The following UBE2E2 variants were observed in gnomAD, a reference collection of about 807,000 sequenced individuals.
The protein encoded by UBE2E2 is ubiquitin-conjugating enzyme E2 E2.
UBE2E2 carries 6 observed loss-of-function variants against 24.7 expected under a neutral mutation model. That is an observed-to-expected ratio of 0.24 (90% CI 0.13 to 0.48). The LOEUF is 0.48. UBE2E2 is among the 20% of genes least tolerant of loss of function. The pLI, the probability that UBE2E2 is intolerant of heterozygous loss-of-function variation, is 0.99. For synonymous variants in UBE2E2, 104 were observed against 83.6 expected, an observed-to-expected ratio of 1.24 and a Z score of -1.33; for missense variants, 169 against 245.0, an observed-to-expected ratio of 0.69 and a Z score of 2.07.
rs182019244 is a variant in UBE2E2, at chr3:23,500,450, C to T, written c.360+710C>T. Among the ~76,000 whole-genome samples the T allele has an allele frequency of 9.9e-5, 15 of 152,230 alleles. No homozygotes were observed. The East Asian group carries it at 2.9e-3, about 29-fold the overall frequency. ...AAGTCTTCACATTCTTTTCTACTGC[C>T]TATAAGTCGGATATTTGACTGTTTT... On this transcript the variant is annotated intron_variant, in intron 4 of 5. Coordinates refer to ENST00000396703, the MANE Select transcript of UBE2E2 (RefSeq NM_152653.4).
At chr3:23,433,520 T>C (rs1698114007) in intron 3 of UBE2E2, among the ~76,000 whole-genome samples, 1 of 152,034 alleles carries the variant, frequency 6.6e-6, no homozygotes, top group African/African-American at 2.4e-5. Context: ...TTTTTAATTT[T>C]TTGAAACTAA....
intron 3 of UBE2E2, among the ~76,000 whole-genome samples, chr3:23,409,412 A>G (rs1697447448): frequency 6.6e-6 from 1 of 152,194 alleles, no homozygotes; most frequent in Admixed American, 6.5e-5. Context: ...CCCTTTGGGT[A>G]GAAACTTCTA....
At chr3:23,495,215 T>C (rs1559402285) in intron 3 of UBE2E2, among the ~76,000 whole-genome samples, 1 of 152,236 alleles carries the variant, frequency 6.6e-6, no homozygotes. Context: ...CATAGACAGC[T>C]GACTGACTTC....
chr3:23,329,599 TACA>T (rs772545593), intron 3 of UBE2E2, among the ~76,000 whole-genome samples: 2 of 152,242 alleles, frequency 1.3e-5, no homozygotes, highest in Non-Finnish European at 2.9e-5. Flanking sequence ...GCTAATTAGA[TACA>T]ACAACTAATT....
intron 3 of UBE2E2, among the ~76,000 whole-genome samples, chr3:23,352,509 A>G (rs1323242148): frequency 1.3e-5 from 2 of 152,234 alleles, no homozygotes; most frequent in South Asian, 2.1e-4. Flanking sequence ...AGAAGAAAAG[A>G]GAGAAGAAGC....
At chr3:23,312,924 C>T (rs891172130) in intron 3 of UBE2E2, among the ~76,000 whole-genome samples, 5 of 152,046 alleles carry the variant, frequency 3.3e-5, no homozygotes, top group Non-Finnish European at 7.4e-5. Flanking sequence ...TTATTGATTT[C>T]TAGTTTTACT....
intron 5 of UBE2E2, among the ~76,000 whole-genome samples, chr3:23,577,326 G>T (rs995527711): frequency 7.6e-6 from 1 of 131,112 alleles, no homozygotes; most frequent in Admixed American, 7.2e-5. Context: ...ACACAGGAAT[G>T]ATTTAAAAAA....
At chr3:23,238,582 A>C (rs138247417) in intron 3 of UBE2E2, among the ~76,000 whole-genome samples, 222 of 152,322 alleles carry the variant, frequency 1.5e-3, no homozygotes, top group African/African-American at 5.0e-3. Flanking sequence ...GGATTAATAA[A>C]GTACAGGTTG....
intron 3 of UBE2E2, among the ~76,000 whole-genome samples, chr3:23,399,805 T>G (rs1697174139): frequency 6.6e-6 from 1 of 152,224 alleles, no homozygotes; most frequent in Admixed American, 6.5e-5. Flanking sequence ...TGTTTATCAT[T>G]TGCATCATGA....
rs1240506770 is a variant in UBE2E2, at chr3:23,590,317, C to G, written c.*486C>G. 6.4e-6 allele frequency: 1 copy of G among 155,242 alleles called. No individual in the cohort carries two copies. 9.6% of individuals were successfully genotyped at this position (155,242 alleles called of 1,614,324 possible). Reference sequence around the variant, plus strand: ...TAGGGTTAATTTTTTGTACTGAAGTCTTTATTGGTGGGTGCATGCTACTGG... The same window carrying G: ...TAGGGTTAATTTTTTGTACTGAAGTGTTTATTGGTGGGTGCATGCTACTGG... On this transcript the variant is annotated 3_prime_UTR_variant, in exon 6 of 6. Coordinates refer to ENST00000396703, the MANE Select transcript of UBE2E2 (RefSeq NM_152653.4).
chr3:23,299,578 A>T (rs562217244), intron 3 of UBE2E2, among the ~76,000 whole-genome samples: 4 of 152,260 alleles, frequency 2.6e-5, no homozygotes, highest in Middle Eastern at 3.4e-3. Flanking sequence ...TTCAGTTTCC[A>T]TGTAGTTGCA....
chr3:23,229,898 T>C (rs1221298704), intron 3 of UBE2E2, among the ~76,000 whole-genome samples: 4 of 152,196 alleles, frequency 2.6e-5, no homozygotes, highest in Non-Finnish European at 5.9e-5. Context: ...ACAGCATAGA[T>C]CTAGAAAAAT....
chr3:23,453,311 G>A (rs964978391), intron 3 of UBE2E2, among the ~76,000 whole-genome samples: 2 of 151,372 alleles, frequency 1.3e-5, no homozygotes, highest in African/African-American at 4.9e-5. Flanking sequence ...CATTTCCGTT[G>A]GAAACAATAT....
chr3:23,221,666 C>T (rs192474374), intron 3 of UBE2E2, among the ~76,000 whole-genome samples: 23 of 151,330 alleles, frequency 1.5e-4, no homozygotes, highest in East Asian at 3.9e-4. Flanking sequence ...GACGGAGTTT[C>T]GCTCTTGTCG....
At chr3:23,502,596 C>T (rs552001983) in intron 4 of UBE2E2, among the ~76,000 whole-genome samples, 3 of 152,250 alleles carry the variant, frequency 2.0e-5, no homozygotes, top group African/African-American at 7.2e-5. Flanking sequence ...AGGTTGAACA[C>T]CCTATATTCC....
At chr3:23,567,748 C>G (rs1696111121) in intron 5 of UBE2E2, among the ~76,000 whole-genome samples, 2 of 152,158 alleles carry the variant, frequency 1.3e-5, no homozygotes, top group Non-Finnish European at 2.9e-5. Context: ...GTCATCTTGA[C>G]CAATAGGTTG....
chr3:23,546,460 ATTTTTTTTTT>A (rs899923576), intron 5 of UBE2E2, among the ~76,000 whole-genome samples: 7 of 76,858 alleles, frequency 9.1e-5, no homozygotes, highest in Non-Finnish European at 1.5e-4. Flanking sequence ...GAACATTTAG[ATTTTTTTTTT>A]TTTTTTTTTT....
chr3:23,534,396 A>G, intron 5 of UBE2E2: 1 of 197,058 alleles, frequency 5.1e-6, no homozygotes, highest in Non-Finnish European at 9.2e-6. Flanking sequence ...AATCACTCCT[A>G]ACTAAAGCAG....
chr3:23,552,785 C>A (rs1214993472), intron 5 of UBE2E2, among the ~76,000 whole-genome samples: 1 of 152,178 alleles, frequency 6.6e-6, no homozygotes, highest in East Asian at 1.9e-4. Flanking sequence ...ATTCAACTAC[C>A]ATTCAAGGCT....
Sources: allele counts gnomAD v4.1 joint callset (sites outside exome capture counted in the v4.1 genomes callset), GRCh38; gene constraint gnomAD v4.1.1; transcripts MANE v1.5; gene names NCBI Gene and HGNC (gene_info 2026-07-23, HGNC 2026-07-21).